The following PAGE2B variants were observed in gnomAD, a reference collection of about 807,000 sequenced individuals.
PAGE2B encodes PAGE family member 2B, also known as putative G antigen family E member 3.
PAGE2B carries 5 observed loss-of-function variants against 7.6 expected under a neutral mutation model. The ratio of observed to expected loss-of-function variants is 0.66; its 90% confidence interval spans 0.34 to 1.38. PAGE2B has a LOEUF of 1.38. Ranked by LOEUF, PAGE2B falls within the 40% of genes most tolerant of loss-of-function variation. The probability of loss-of-function intolerance (pLI) is 0.04; values close to 1 mark genes in which losing one functional copy is unlikely to be tolerated. For synonymous variants in PAGE2B, 29 were observed against 26.7 expected, an observed-to-expected ratio of 1.09 and a Z score of -0.27; for missense variants, 70 against 78.4, an observed-to-expected ratio of 0.89 and a Z score of 0.41.
the PAGE2B span, among the ~76,000 whole-genome samples, chrX:55,052,816 C>T: frequency 3.6e-5 from 4 of 112,578 alleles, no homozygotes; most frequent in South Asian, 3.6e-4. Flanking sequence ...ACCCACTGTC[C>T]GACACTCCCC....
At chrX:55,059,852 TA>T in the PAGE2B span, among the ~76,000 whole-genome samples, 11 of 111,512 alleles carry the variant, frequency 9.9e-5, no homozygotes, top group Non-Finnish European at 1.9e-4. Flanking sequence ...AGTCCACATA[TA>T]AATGAGATCA....
the PAGE2B span, among the ~76,000 whole-genome samples, chrX:55,067,184 C>T: frequency 9.0e-6 from 1 of 110,736 alleles, no homozygotes. Context: ...TTAGGTATTT[C>T]TCCTAATGCT....
chrX:55,052,585 C>T, the PAGE2B span, among the ~76,000 whole-genome samples: 1 of 112,736 alleles, frequency 8.9e-6, no homozygotes, highest in African/African-American at 3.2e-5. Context: ...AGCGAGGCTC[C>T]TTGGGCATAG....
At chrX:55,037,544 A>T in the PAGE2B span, among the ~76,000 whole-genome samples, 2 of 111,268 alleles carry the variant, frequency 1.8e-5, no homozygotes, top group Non-Finnish European at 3.8e-5. Flanking sequence ...CAGCAATCCC[A>T]TTACTGGGTA....
At chrX:55,070,373 T>G (rs1459808716), upstream of PAGE2B, among the ~76,000 whole-genome samples, 1 of 112,445 alleles carries the variant, frequency 8.9e-6, no homozygotes, top group Non-Finnish European at 1.9e-5. Context: ...TCCTGAGTTC[T>G]AATTTGATTG....
At chrX:55,036,806 T>G in the PAGE2B span, among the ~76,000 whole-genome samples, 1 of 109,750 alleles carries the variant, frequency 9.1e-6, no homozygotes, top group Non-Finnish European at 1.9e-5. Flanking sequence ...GGGGAAAGGA[T>G]TCCCTATTTA....
intron 2 of PAGE2B, 79 bp from the exon 3 acceptor site, chrX:55,076,490 G>A: frequency 4.4e-6 from 4 of 908,757 alleles, no homozygotes; most frequent in South Asian, 2.4e-5. Context: ...AATGTCTTTA[G>A]ATGTGTGATT....
chrX:55,067,894 GGTTT>G, the PAGE2B span, among the ~76,000 whole-genome samples: 2 of 111,731 alleles, frequency 1.8e-5, no homozygotes, highest in African/African-American at 3.2e-5. Context: ...CTTTTGGGTG[GGTTT>G]GTTTGTTTCT....
At chrX:55,059,917 A>C in the PAGE2B span, among the ~76,000 whole-genome samples, 1 of 111,125 alleles carries the variant, frequency 9.0e-6, no homozygotes, top group African/African-American at 3.3e-5. Context: ...AATGTCCTCC[A>C]GGTTTATGTG....
At chrX:55,066,631 C>T in the PAGE2B span, among the ~76,000 whole-genome samples, 8 of 111,723 alleles carry the variant, frequency 7.2e-5, no homozygotes, top group African/African-American at 2.6e-4. Context: ...TGTAAGGTTT[C>T]CTCTGAAAGG....
chrX:55,076,154 A>G (rs1295156868), intron 2 of PAGE2B, 29 bp downstream of exon 2: 1 of 1,177,917 alleles, frequency 8.5e-7, no homozygotes, highest in Non-Finnish European at 1.2e-6. Flanking sequence ...GATGTTTCCT[A>G]TTAACACAAT....
the PAGE2B span, among the ~76,000 whole-genome samples, chrX:55,049,665 T>G: frequency 8.9e-6 from 1 of 111,859 alleles, no homozygotes; most frequent in Admixed American, 9.5e-5. Context: ...CCCTTTATCA[T>G]TTTTTATTGC....
chrX:55,057,885 G>T, the PAGE2B span, among the ~76,000 whole-genome samples: 1 of 111,615 alleles, frequency 9.0e-6, no homozygotes, highest in Non-Finnish European at 1.9e-5. Flanking sequence ...GACAGTTGTA[G>T]CCAGTTATTC....
chrX:55,072,145 G>A (rs1224062254), upstream of PAGE2B, among the ~76,000 whole-genome samples: 1 of 111,871 alleles, frequency 8.9e-6, no homozygotes, highest in Non-Finnish European at 1.9e-5. Context: ...TCATTTGGAG[G>A]AGAAGTTGCG....
the PAGE2B span, among the ~76,000 whole-genome samples, chrX:55,033,294 G>A: frequency 8.0e-5 from 9 of 111,932 alleles, no homozygotes; most frequent in East Asian, 2.0e-3. Context: ...CCCTAATGGA[G>A]GAAAGTGTGT....
At chrX:55,054,733 AAACCC>A in the PAGE2B span, among the ~76,000 whole-genome samples, 2 of 112,303 alleles carry the variant, frequency 1.8e-5, no homozygotes, top group East Asian at 5.6e-4. Context: ...CATAGACAGA[AAACCC>A]CATTCTTAAG....
intron 2 of PAGE2B, among the ~76,000 whole-genome samples, 199 bp from the exon 3 acceptor site, chrX:55,076,370 A>G (rs1384662875): frequency 2.8e-5 from 3 of 106,218 alleles, no homozygotes; most frequent in South Asian, 3.9e-4. Context: ...ATATATGTAT[A>G]TATGTATGTA....
chrX:55,055,405 T>C, the PAGE2B span: 1 of 107,887 alleles, frequency 9.3e-6, no homozygotes, highest in Non-Finnish European at 1.9e-5. Context: ...CAACCAAACA[T>C]TTAATTTTCT....
At chrX:55,065,990 A>T in the PAGE2B span, among the ~76,000 whole-genome samples, 2 of 112,686 alleles carry the variant, frequency 1.8e-5, no homozygotes, top group Non-Finnish European at 3.8e-5. Context: ...TAGTTTACAC[A>T]CCACAACTAC....
Sources: allele counts gnomAD v4.1 joint callset (sites outside exome capture counted in the v4.1 genomes callset), GRCh38; gene constraint gnomAD v4.1.1; transcripts MANE v1.5; gene names NCBI Gene and HGNC (gene_info 2026-07-23, HGNC 2026-07-21).